CFHR3: variants seen among roughly 807,000 people sequenced by gnomAD.
The protein encoded by CFHR3 is complement factor H-related protein 3.
CFHR3 carries 22 observed loss-of-function variants against 36.0 expected under a neutral mutation model. That is an observed-to-expected ratio of 0.61 (90% CI 0.44 to 0.87). The LOEUF is 0.87. Among genes scored for constraint, CFHR3 ranks in the 40% least tolerant of loss-of-function variants. CFHR3 has a pLI of 0.00. For synonymous variants in CFHR3, 97 were observed against 137.4 expected, an observed-to-expected ratio of 0.71 and a Z score of 2.06; for missense variants, 276 against 401.3, an observed-to-expected ratio of 0.69 and a Z score of 2.67.
chr1:196,789,664 C>T lies in CFHR3; in HGVS notation c.614-381C>T, dbSNP rs200390759. On this transcript the variant is annotated intron_variant, in intron 4 of 5. Transcript: ENST00000367425. ...TTAAGCTCCGTGACACATTGGACTA[C>T]GAATGCTACGATGGATATGAAATCA... The T allele has an allele frequency of 3.1e-4, 448 of 1,452,038 alleles. 51 individuals are homozygous for T. Among genetic ancestry groups the T allele is most frequent in the Admixed American group, 6.2e-4 (34 of 54,790 alleles). The allele number at this position is 1,452,038 out of a possible 1,614,324, so 89.9% of individuals were successfully genotyped here.
chr1:196,779,682 T>A lies in CFHR3; in HGVS notation c.254-115T>A. The A allele has an allele frequency of 5.4e-6, 7 of 1,301,054 alleles. 1 individual carries two copies. The highest frequency in any genetic ancestry group is 7.2e-6 in the Non-Finnish European group (7 of 977,658). 80.6% of individuals were successfully genotyped at this position (1,301,054 alleles called of 1,614,324 possible). A position where few individuals can be genotyped will look rare whatever the true frequency, so the allele number is the denominator to read the frequency against. ...TTGGTTCATACTAAGTTGTACATTA[T>A]TTTTGGATGTTTATGCGATCTTATT... is the stretch of plus-strand genomic sequence containing the variant. On this transcript the variant is annotated intron_variant, in intron 2 of 5. Transcript: ENST00000367425.
intron 3 of CFHR3, among the ~76,000 whole-genome samples, chr1:196,780,704 T>C (rs1286235609): frequency 7.3e-6 from 1 of 136,858 alleles, no homozygotes; most frequent in Non-Finnish European, 1.5e-5. Flanking sequence ...GTGGCTAGTA[T>C]TGTTCTTTCC....
chr1:196,782,878 T>C (rs755638620), intron 3 of CFHR3, among the ~76,000 whole-genome samples: 4 of 137,450 alleles, frequency 2.9e-5, no homozygotes, highest in Non-Finnish European at 6.2e-5. Flanking sequence ...CCCTGTCTTG[T>C]GCTGATTTTC....
intron 5 of CFHR3, among the ~76,000 whole-genome samples, chr1:196,791,639 T>G (rs1478553405): frequency 7.6e-6 from 1 of 131,750 alleles, no homozygotes; most frequent in Non-Finnish European, 1.6e-5. Flanking sequence ...CCTTAATTAT[T>G]GTCCCCTACT....
intron 4 of CFHR3, chr1:196,789,831 T>C: frequency 8.7e-7 from 1 of 1,152,134 alleles, no homozygotes. Context: ...TATGTATATG[T>C]ACACATATGT....
At position 196,785,899 on chromosome 1, in the gene CFHR3, T is replaced by A. The variant is rs189731270; in HGVS notation, c.431-2317T>A. Among the ~76,000 whole-genome samples the A allele has an allele frequency of 5.9e-5, 8 of 136,352 alleles. 1 individual carries two copies. Among genetic ancestry groups the A allele is most frequent in the Admixed American group, 5.7e-4 (8 of 14,122 alleles). 89.5% of individuals were successfully genotyped at this position (136,352 alleles called of 152,430 possible). ...GTGCTCTGCTTTTAGAGTTTCCAGTTTTTCTGCTCTGTTTTTTCCCCATCT... is the reference window on the plus strand; with the variant it reads ...GTGCTCTGCTTTTAGAGTTTCCAGTATTTCTGCTCTGTTTTTTCCCCATCT... On this transcript the variant is annotated intron_variant, in intron 3 of 5. Coordinates refer to ENST00000367425, the MANE Select transcript of CFHR3 (RefSeq NM_021023.6).
intron 3 of CFHR3, among the ~76,000 whole-genome samples, chr1:196,781,854 G>A (rs12566993): frequency 0.28 from 37,109 of 133,940 alleles, 10,303 homozygotes; most frequent in East Asian, 0.5. Flanking sequence ...TGCTTTTGGT[G>A]TTTTAGACAT....
At chr1:196,778,220 G>A (rs1483880916) in intron 1 of CFHR3, among the ~76,000 whole-genome samples, 1 of 134,606 alleles carries the variant, frequency 7.4e-6, no homozygotes, top group Non-Finnish European at 1.6e-5. Context: ...CACCCAACAA[G>A]CCTCTGGAGC....
intron 3 of CFHR3, among the ~76,000 whole-genome samples, chr1:196,781,798 T>TG (rs1653961723): frequency 1.5e-5 from 2 of 135,446 alleles, no homozygotes; most frequent in Admixed American, 1.4e-4. Context: ...CGGAAGCTCT[T>TG]TAGTTTAATT....
At chr1:196,776,789 A>AAAGAATAT (rs1653739148) in intron 1 of CFHR3, among the ~76,000 whole-genome samples, 1 of 135,644 alleles carries the variant, frequency 7.4e-6, no homozygotes, top group Admixed American at 7.2e-5. Context: ...CAATGTATTA[A>AAAGAATAT]AAGAATATTA....
At chr1:196,788,142 G>A (rs993902985) in intron 3 of CFHR3, 74 bp from the exon 4 acceptor site, 2 of 1,122,338 alleles carry the variant, frequency 1.8e-6, no homozygotes, top group African/African-American at 2.1e-5. Flanking sequence ...ATATTGCCAT[G>A]TTTTTACTTG....
At chr1:196,782,359 TG>T (rs1334146598) in intron 3 of CFHR3, among the ~76,000 whole-genome samples, 1 of 137,160 alleles carries the variant, frequency 7.3e-6, no homozygotes, top group Non-Finnish European at 1.5e-5. Flanking sequence ...GGTAGCTTGA[TG>T]GGGATGGCAT....
intron 3 of CFHR3, among the ~76,000 whole-genome samples, chr1:196,787,631 A>G (rs545133446): frequency 1.5e-5 from 2 of 137,018 alleles, no homozygotes; most frequent in East Asian, 2.0e-4. Flanking sequence ...TACATTGCTA[A>G]TATATTAGAA....
At chr1:196,775,081 TGA>T in intron 1 of CFHR3, 137 bp downstream of exon 1, 1 of 745,184 alleles carries the variant, frequency 1.3e-6, no homozygotes, top group South Asian at 2.0e-5. Context: ...ACATATTTTG[TGA>T]GAGTATAACA....
At chr1:196,786,185 G>C (rs541825327) in intron 3 of CFHR3, among the ~76,000 whole-genome samples, 1 of 135,674 alleles carries the variant, frequency 7.4e-6, no homozygotes, top group Non-Finnish European at 1.6e-5. Context: ...AGGAGTACCC[G>C]GCCGTGTGAG....
chr1:196,779,769 T>C lies in CFHR3; in HGVS notation c.254-28T>C, dbSNP rs1653869096. On this transcript the variant is annotated intron_variant, in intron 2 of 5. Coordinates refer to ENST00000367425, the MANE Select transcript of CFHR3 (RefSeq NM_021023.6). Reference sequence around the variant, plus strand: ...GCAAATTTATGTTTCTCATTTACTTTATTTATTTATCATTGCTATGTCCTT... The same window carrying C: ...GCAAATTTATGTTTCTCATTTACTTCATTTATTTATCATTGCTATGTCCTT... 4 of 1,482,482 alleles carry C rather than the reference T, an allele frequency of 2.7e-6. 1 individual carries two copies. In the South Asian group the frequency reaches 4.0e-5, roughly 15 times the overall value. 91.8% of individuals were successfully genotyped at this position (1,482,482 alleles called of 1,614,324 possible). A position where few individuals can be genotyped will look rare whatever the true frequency, so the allele number is the denominator to read the frequency against.
chr1:196,779,973 A>C lies in CFHR3; in HGVS notation c.430A>C (p.Arg144=), dbSNP rs1293544787. ...WSPTPRCIRV[R]TCSKSDIEIE... ...TCCTACTCCCAGATGCATCCGTGTC[A>C]GTAAGTACACCGCTCTGAGATCCCA... Residue 144 remains arginine (R), a splice_region_variant and synonymous_variant, in exon 3 of 6, where the codon AGA becomes CGA. Transcript: ENST00000367425. 1.3e-6 allele frequency: 2 copies of C among 1,533,064 alleles called. No homozygotes were observed. Among genetic ancestry groups the C allele is most frequent in the African/African-American group, 3.3e-5 (2 of 60,658 alleles). 95.0% of individuals were successfully genotyped at this position (1,533,064 alleles called of 1,614,324 possible).
At chr1:196,782,372 G>A (rs1653992118) in intron 3 of CFHR3, among the ~76,000 whole-genome samples, 1 of 136,966 alleles carries the variant, frequency 7.3e-6, no homozygotes, top group Admixed American at 7.0e-5. Flanking sequence ...GGATGGCATT[G>A]AATCTATAAA....
rs186597151 is a variant in CFHR3 at position 196,788,168 on chromosome 1, G to T, written c.431-48G>T. 1.7e-3 allele frequency: 2,302 copies of T among 1,336,310 alleles called. 196 individuals are homozygous for T. The Admixed American group carries it at 0.028, about 16-fold the overall frequency. 82.8% of individuals were successfully genotyped at this position (1,336,310 alleles called of 1,614,324 possible). ...TTTTTACTTGTTCCCTCCTATAAAA[G>T]AACTATTCAACTAATATTTACTTTT... On this transcript the variant is annotated intron_variant, in intron 3 of 5. Coordinates refer to ENST00000367425, the MANE Select transcript of CFHR3 (RefSeq NM_021023.6).
Sources: gnomAD v4.1 joint callset for allele counts (sites outside exome capture counted in the v4.1 genomes callset) on GRCh38, gnomAD v4.1.1 for gene constraint, MANE v1.5 for transcripts, NCBI Gene and HGNC (gene_info 2026-07-23, HGNC 2026-07-21) for gene names.